The following ST3GAL3 variants were observed in gnomAD, a reference collection of about 807,000 sequenced individuals.
The protein encoded by ST3GAL3 is ST3 beta-galactoside alpha-2,3-sialyltransferase 3.
In ST3GAL3, 21 loss-of-function variants were observed where a neutral mutation model predicts 50.1. The ratio of observed to expected loss-of-function variants is 0.42; its 90% CI spans 0.30 to 0.60. The LOEUF is 0.60. Ranked by LOEUF, ST3GAL3 falls within the 20% of genes least tolerant of loss-of-function variation. ST3GAL3 has a pLI of 0.19. For missense variants in ST3GAL3, 353 were observed against 489.4 expected (o/e 0.72, Z 2.63); for synonymous variants, 183 against 190.0 (o/e 0.96, Z 0.30).
chr1:43,833,914 G>A (rs1178969869), intron 4 of ST3GAL3, among the ~76,000 whole-genome samples: 2 of 152,188 alleles, frequency 1.3e-5, no homozygotes, highest in African/African-American at 4.8e-5. Context: ...AGCCCTTCCA[G>A]TTTTGCGCTA....
chr1:43,851,408 G>A, intron 5 of ST3GAL3: 3 of 1,610,816 alleles, frequency 1.9e-6, no homozygotes, highest in Non-Finnish European at 2.5e-6. Flanking sequence ...TGACCCCCCA[G>A]CACTGTGGGT....
intron 5 of ST3GAL3, among the ~76,000 whole-genome samples, chr1:43,854,214 C>T (rs2067899526): frequency 6.6e-6 from 1 of 152,178 alleles, no homozygotes; most frequent in Non-Finnish European, 1.5e-5. Flanking sequence ...CAGGAATATG[C>T]AAGACTTGCT....
intron 9 of ST3GAL3, chr1:43,913,561 A>T (rs1300225102): frequency 6.6e-6 from 1 of 151,882 alleles, no homozygotes. Flanking sequence ...TTTTTTTAGG[A>T]AACAGGCTGA....
chr1:43,817,584 TCCTTCTCCTCCTC>T (rs768933594), intron 4 of ST3GAL3, among the ~76,000 whole-genome samples: 752 of 27,542 alleles, frequency 0.027, 7 homozygotes, highest in African/African-American at 0.068. Context: ...CTCCTTCTCC[TCCTTCTCCTCCTC>T]CCTTCTCCTT....
At chr1:43,930,040 T>A in intron 11 of ST3GAL3, 92 bp from the exon 12 acceptor site, 1 of 1,010,906 alleles carries the variant, frequency 9.9e-7, no homozygotes, top group Non-Finnish European at 1.6e-6. Flanking sequence ...CACGGAGTAT[T>A]GGAGAGTGGT....
chr1:43,819,466 C>A (rs1014350304), intron 4 of ST3GAL3, among the ~76,000 whole-genome samples: 1 of 136,530 alleles, frequency 7.3e-6, no homozygotes, highest in Non-Finnish European at 1.6e-5. Context: ...ATGTAAAAGA[C>A]ATTCTTAACT....
intron 5 of ST3GAL3, among the ~76,000 whole-genome samples, chr1:43,877,243 G>A (rs2074283439): frequency 6.6e-6 from 1 of 152,212 alleles, no homozygotes; most frequent in Non-Finnish European, 1.5e-5. Context: ...CTAGGACTAA[G>A]GGGGACCTGC....
chr1:43,829,097 TA>T (rs372784349), intron 4 of ST3GAL3, among the ~76,000 whole-genome samples: 42 of 146,826 alleles, frequency 2.9e-4, no homozygotes, highest in East Asian at 5.9e-4. Flanking sequence ...TGTAGTCTGT[TA>T]AAAAAAAAAA....
intron 5 of ST3GAL3, among the ~76,000 whole-genome samples, chr1:43,867,612 C>T (rs1187558675): frequency 2.5e-5 from 1 of 39,708 alleles, no homozygotes; most frequent in East Asian, 1.2e-3. Flanking sequence ...CCCAAATTGG[C>T]AGCTTGTAAA....
chr1:43,733,280 A>T (rs2154087296), intron 1 of ST3GAL3, among the ~76,000 whole-genome samples: 1 of 152,240 alleles, frequency 6.6e-6, no homozygotes, highest in Admixed American at 6.5e-5. Context: ...CTGCCATGCT[A>T]GGCCCTATGA....
intron 5 of ST3GAL3, among the ~76,000 whole-genome samples, chr1:43,864,834 G>A (rs564563430): frequency 6.6e-6 from 1 of 152,224 alleles, no homozygotes; most frequent in Non-Finnish European, 1.5e-5. Context: ...TGGCAAGGTA[G>A]TGGCACCATT....
chr1:43,875,950 C>CTTCTTCTTA (rs1376185854), intron 5 of ST3GAL3, among the ~76,000 whole-genome samples: 2 of 74,016 alleles, frequency 2.7e-5, no homozygotes, highest in African/African-American at 4.5e-5. Context: ...TCTTCTTCTT[C>CTTCTTCTTA]TTATTATTAT....
chr1:43,894,283 GC>G, intron 5 of ST3GAL3, 99 bp from the exon 6 acceptor site: 3 of 1,150,818 alleles, frequency 2.6e-6, no homozygotes, highest in African/African-American at 3.0e-5. Context: ...TGCAGAGGGG[GC>G]TTCCAGCAGA....
intron 3 of ST3GAL3, among the ~76,000 whole-genome samples, chr1:43,807,824 AT>A: frequency 6.6e-6 from 1 of 152,274 alleles, no homozygotes; most frequent in East Asian, 1.9e-4. Context: ...GAATAAAGGA[AT>A]TCTCTCAGGT....
At chr1:43,832,671 G>A (rs1239072078) in intron 4 of ST3GAL3, among the ~76,000 whole-genome samples, 3 of 152,082 alleles carry the variant, frequency 2.0e-5, no homozygotes, top group African/African-American at 7.2e-5. Flanking sequence ...TTCCATCTTG[G>A]GGCTTGAGAG....
At chr1:43,880,511 T>C (rs966644527) in intron 5 of ST3GAL3, among the ~76,000 whole-genome samples, 4 of 152,058 alleles carry the variant, frequency 2.6e-5, no homozygotes, top group Non-Finnish European at 5.9e-5. Flanking sequence ...ACTGTTACGC[T>C]GGCTGTCACC....
rs2084941021 is a variant in ST3GAL3, at chr1:43,931,014, A to T, written c.*793A>T. 6.5e-6 allele frequency: 1 copy of T among 152,980 alleles called. No individual in the cohort carries two copies. The highest frequency in any genetic ancestry group is 6.5e-5 in the Admixed American group (1 of 15,302). 9.5% of individuals were successfully genotyped at this position (152,980 alleles called of 1,614,324 possible). Reference sequence around the variant, plus strand: ...AGGCCCGGACTCACCAACTTGCCACATGTTCTAGGTTTCAGCAACAAGACT... The same window carrying T: ...AGGCCCGGACTCACCAACTTGCCACTTGTTCTAGGTTTCAGCAACAAGACT... On this transcript the variant is annotated 3_prime_UTR_variant, in exon 12 of 12. Transcript: ENST00000347631.
chr1:43,859,565 A>G (rs1348292047), intron 5 of ST3GAL3, among the ~76,000 whole-genome samples: 1 of 152,170 alleles, frequency 6.6e-6, no homozygotes, highest in African/African-American at 2.4e-5. Context: ...TCTCAAAAAA[A>G]AAAGAAAAAA....
chr1:43,911,663 ATATC>A (rs1483263093), intron 9 of ST3GAL3, among the ~76,000 whole-genome samples: 1 of 146,256 alleles, frequency 6.8e-6, no homozygotes, highest in Non-Finnish European at 1.5e-5. Flanking sequence ...GTAGCTATAG[ATATC>A]TATAGATATA....
Sources: allele counts gnomAD v4.1 joint callset (sites outside exome capture counted in the v4.1 genomes callset), GRCh38; gene constraint gnomAD v4.1.1; transcripts MANE v1.5; gene names NCBI Gene and HGNC (gene_info 2026-07-23, HGNC 2026-07-21).